Variants in LHCGR observed in about 807,000 individuals in gnomAD.
The protein encoded by LHCGR is lutropin-choriogonadotropic hormone receptor.
A neutral mutation model predicts 60.7 loss-of-function variants in LHCGR; 55 were observed. That is an observed-to-expected ratio of 0.91 (90% confidence interval 0.73 to 1.13). The LOEUF is 1.13. LHCGR is among the 50% of genes most tolerant of loss of function. LHCGR has a pLI of 0.00. For synonymous variants in LHCGR, 337 were observed against 316.5 expected (o/e 1.06, Z -0.69); for missense variants, 862 against 836.0 (o/e 1.03, Z -0.38).
chr2:48,755,441 A>T (rs565026631), intron 1 of LHCGR, 70 bp downstream of exon 1: 4 of 959,436 alleles, frequency 4.2e-6, no homozygotes, highest in Non-Finnish European at 4.7e-6. Context: ...AGGAGTAGGG[A>T]GGGAAGGTGG....
chr2:48,688,523 T>C lies in LHCGR; in HGVS notation c.1274A>G (p.Gln425Arg), dbSNP rs774855186. ...CCAGTCTATGGCATGGTTATAGTAC[T>C]GGCCCTTGGTTTGGGAATCAACTGA... The part of the protein sequence containing the change: ...IASVDSQTKG[Q>R]YYNHAIDWQT... The change falls in exon 11 of 11, where the codon CAG becomes CGG. Residue 425 changes from glutamine to arginine, a missense_variant. Transcript: ENST00000294954. This position sits in a 1 kb window ranked among gnomAD's most constrained non-coding sequence, Gnocchi z 5.2. The C allele has an allele frequency of 6.2e-7, 1 of 1,614,062 alleles. No individual in the cohort carries two copies. The highest frequency in any genetic ancestry group is 8.5e-7 in the Non-Finnish European group (1 of 1,180,048).
chr2:48,709,976 G>C (rs1479654299), intron 7 of LHCGR, among the ~76,000 whole-genome samples: 1 of 152,216 alleles, frequency 6.6e-6, no homozygotes, highest in Admixed American at 6.5e-5. Context: ...TGGGAACAGT[G>C]TGCATCTACC....
chr2:48,739,480 C>T (rs980567403), intron 1 of LHCGR, among the ~76,000 whole-genome samples: 1 of 151,904 alleles, frequency 6.6e-6, no homozygotes, highest in African/African-American at 2.4e-5. Context: ...TACTATGCAG[C>T]CATAAAAAAT....
At chr2:48,751,860 G>T (rs916827461) in intron 1 of LHCGR, among the ~76,000 whole-genome samples, 8 of 152,068 alleles carry the variant, frequency 5.3e-5, no homozygotes, top group African/African-American at 1.9e-4. Flanking sequence ...TGTTCAGTAG[G>T]TACAACATGC....
intron 8 of LHCGR, among the ~76,000 whole-genome samples, chr2:48,704,783 C>T (rs1432152724): frequency 6.6e-6 from 1 of 151,906 alleles, no homozygotes; most frequent in East Asian, 1.9e-4. Context: ...TCTCTCTTTT[C>T]TTCTTTATTA....
At chr2:48,691,173 A>G (rs911589724) in intron 10 of LHCGR, among the ~76,000 whole-genome samples, 2 of 152,222 alleles carry the variant, frequency 1.3e-5, no homozygotes, top group Non-Finnish European at 2.9e-5. Flanking sequence ...GTTCCTACAT[A>G]TTATTAAAAG....
In LHCGR at chr2:48,688,570, C is replaced by A; in HGVS notation, c.1227G>T (p.Gly409=). 6.2e-7 allele frequency: 1 copy of A among 1,614,122 alleles called. No homozygotes were observed. Among genetic ancestry groups the A allele is most frequent in the Non-Finnish European group, 8.5e-7 (1 of 1,180,042 alleles). Residue 409 remains glycine, a synonymous_variant, in exon 11 of 11, where the codon GGG becomes GGT. Transcript: ENST00000294954. This position sits in a 1 kb window ranked among gnomAD's most constrained non-coding sequence, Gnocchi z 5.2. ...CTGAGGCTATGAGCAGCAGATAGAG[C>A]CCCATGCAAAAGTCTGCAAAGGAGA... ...CNLSFADFCM[G]LYLLLIASVD...
intron 1 of LHCGR, among the ~76,000 whole-genome samples, chr2:48,749,852 G>GTA (rs994933782): frequency 6.6e-6 from 1 of 152,148 alleles, no homozygotes; most frequent in African/African-American, 2.4e-5. Context: ...TGGGAACTCT[G>GTA]TTGCTTGTTT....
chr2:48,697,300 T>C (rs1246021144), intron 9 of LHCGR, among the ~76,000 whole-genome samples: 1 of 152,252 alleles, frequency 6.6e-6, no homozygotes, highest in Non-Finnish European at 1.5e-5. Context: ...CCTGCTGCCA[T>C]TAACAAACTC....
Position 48,698,685 on chromosome 2 carries a change from C to G in LHCGR, c.796G>C (p.Val266Leu), listed in dbSNP as rs766784158. 11 of 1,613,976 alleles carry G rather than the reference C, an allele frequency of 6.8e-6. No individual in the cohort carries two copies. The highest frequency in any genetic ancestry group is 1.3e-5 in the African/African-American group (1 of 74,908). Residue 266 changes from valine (V) to leucine (L), a missense_variant, in exon 9 of 11, where the codon GTC becomes CTC. Transcript: ENST00000294954. ...GTCAACGTGGCCTCCAGGAGATTGA[C>G]AAATGTTTCTCTTGATGGCAATTTT... ...LKKLPSRETFVNLLEATLTYP... is the reference protein window; with the variant it reads ...LKKLPSRETFLNLLEATLTYP...
At chr2:48,746,199 G>T (rs1201560567) in intron 1 of LHCGR, among the ~76,000 whole-genome samples, 1 of 152,124 alleles carries the variant, frequency 6.6e-6, no homozygotes, top group African/African-American at 2.4e-5. Context: ...CTATTTCCTT[G>T]GCAGGGGGTA....
chr2:48,753,933 G>A (rs1670093539), intron 1 of LHCGR, among the ~76,000 whole-genome samples: 1 of 152,184 alleles, frequency 6.6e-6, no homozygotes, highest in Non-Finnish European at 1.5e-5. Flanking sequence ...GAGACCTTGA[G>A]CAAGTTATTC....
intron 1 of LHCGR, among the ~76,000 whole-genome samples, chr2:48,737,883 A>C (rs4131886): frequency 0.22 from 33,103 of 152,212 alleles, 3,889 homozygotes; most frequent in Middle Eastern, 0.31. Context: ...TTACAGAGAA[A>C]GAATCTTAGG....
intron 8 of LHCGR, among the ~76,000 whole-genome samples, chr2:48,699,335 C>T (rs1332770509): frequency 1.3e-5 from 2 of 152,118 alleles, no homozygotes; most frequent in Non-Finnish European, 2.9e-5. Flanking sequence ...CTTGCACCTA[C>T]CATACATTTA....
Position 48,755,633 on chromosome 2 carries a change from C to CAGT in LHCGR, c.38_39insACT (p.Leu17dup). 6.5e-7 allele frequency: 1 copy of CAGT among 1,535,568 alleles called. No individual in the cohort carries two copies. The highest frequency in any genetic ancestry group is 8.7e-7 in the Non-Finnish European group (1 of 1,145,998). Reference sequence around the variant, plus strand: ...GCAGCGGCGGCTGCAGCAGCAGCAGCAGCTTCAGCAGCTGCAGCGCCGAGA... The same window carrying CAGT: ...GCAGCGGCGGCTGCAGCAGCAGCAGCAGTAGCTTCAGCAGCTGCAGCGCCGAGA... On this transcript the variant is annotated inframe_insertion, in exon 1 of 11. Transcript: ENST00000294954.
intron 10 of LHCGR, 101 bp downstream of exon 10, chr2:48,694,123 C>A (rs368365476): frequency 1.2e-6 from 1 of 818,384 alleles, no homozygotes; most frequent in East Asian, 2.7e-5. Context: ...GCAACAGCTC[C>A]GTAACCAAGA....
intron 6 of LHCGR, among the ~76,000 whole-genome samples, chr2:48,723,062 A>G (rs566865111): frequency 3.9e-5 from 6 of 152,322 alleles, no homozygotes; most frequent in African/African-American, 1.2e-4. Flanking sequence ...TACTTTTCCT[A>G]CTTGGAGAAT....
chr2:48,740,169 C>G (rs1281674432), intron 1 of LHCGR, among the ~76,000 whole-genome samples: 1 of 152,236 alleles, frequency 6.6e-6, no homozygotes, highest in Non-Finnish European at 1.5e-5. Flanking sequence ...GATTATATCC[C>G]GCACCTGGCT....
At position 48,698,618 on chromosome 2, in the gene LHCGR, T is replaced by C; in HGVS notation, c.863A>G (p.Lys288Arg). The change falls in exon 9 of 11, where the codon AAA becomes AGA. Residue 288 changes from lysine to arginine, a missense_variant. Coordinates refer to ENST00000294954, the MANE Select transcript of LHCGR (RefSeq NM_000233.4). Reference protein sequence around the residue: ...HCCAFRNLPTKEQNFSHSISE... With the variant: ...HCCAFRNLPTREQNFSHSISE... ...TTACCTTTTGGTTTCTACTTACTCT[T>C]TTGTTGGCAAGTTTCTAAAAGCACA... is the stretch of plus-strand genomic sequence containing the variant. 14 of 1,613,916 alleles carry C rather than the reference T, an allele frequency of 8.7e-6. No individual in the cohort carries two copies. The highest frequency in any genetic ancestry group is 1.2e-5 in the Non-Finnish European group (14 of 1,179,836).
Sources: gnomAD v4.1 joint callset for allele counts (sites outside exome capture counted in the v4.1 genomes callset) on GRCh38, gnomAD v4.1.1 for gene constraint, Gnocchi (gnomAD v3.1) non-coding constraint, MANE v1.5 for transcripts, NCBI Gene and HGNC (gene_info 2026-07-23, HGNC 2026-07-21) for gene names.